The following CLIC5 variants were observed in gnomAD, a reference collection of about 807,000 sequenced individuals.
The protein encoded by CLIC5 is chloride intracellular channel protein 5.
CLIC5 carries 20 observed loss-of-function variants against 24.7 expected under a neutral mutation model. The observed-to-expected ratio is 0.81, with a 90% CI of 0.57 to 1.18. The LOEUF (loss-of-function observed/expected upper bound fraction) is 1.18. Among genes scored for constraint, CLIC5 ranks in the 50% most tolerant of loss-of-function variants. The pLI is 0.00. For synonymous variants in CLIC5, 159 were observed against 135.6 expected, an observed-to-expected ratio of 1.17 and a Z score of -1.20; for missense variants, 341 against 326.1, an observed-to-expected ratio of 1.05 and a Z score of -0.35.
chr6:46,022,769 C>A (rs1235668988), intron 1 of CLIC5, among the ~76,000 whole-genome samples: 1 of 152,324 alleles, frequency 6.6e-6, no homozygotes, highest in Non-Finnish European at 1.5e-5. Context: ...TTACTCATTC[C>A]TTCAACCAGT....
At chr6:46,053,848 A>G (rs1768173049) in intron 1 of CLIC5, among the ~76,000 whole-genome samples, 1 of 152,162 alleles carries the variant, frequency 6.6e-6, no homozygotes, top group Non-Finnish European at 1.5e-5. Context: ...TGCCCTGAAG[A>G]GCCCTGTAAT....
At chr6:45,888,930 A>G (rs1700457809) in intron 6 of CLIC5, among the ~76,000 whole-genome samples, 1 of 152,198 alleles carries the variant, frequency 6.6e-6, no homozygotes, top group Non-Finnish European at 1.5e-5. Context: ...TATTCATTGC[A>G]GCATTTTTTG....
At chr6:46,060,137 G>T (rs539814631) in intron 1 of CLIC5, among the ~76,000 whole-genome samples, 1 of 152,232 alleles carries the variant, frequency 6.6e-6, no homozygotes, top group Non-Finnish European at 1.5e-5. Context: ...AGTTTCTGTG[G>T]TATAATTTAG....
chr6:46,043,294 T>C (rs934598755), intron 1 of CLIC5, among the ~76,000 whole-genome samples: 2 of 152,222 alleles, frequency 1.3e-5, no homozygotes, highest in African/African-American at 4.8e-5. Context: ...ATGTATTGTA[T>C]TTTCTTATTT....
At chr6:45,894,490 A>G (rs1177826751), downstream of CLIC5, among the ~76,000 whole-genome samples, 1 of 152,256 alleles carries the variant, frequency 6.6e-6, no homozygotes, top group Non-Finnish European at 1.5e-5. Flanking sequence ...GAATAAAGTT[A>G]TAGATGAAAA....
chr6:45,980,448 T>A (rs1416875195), intron 1 of CLIC5, among the ~76,000 whole-genome samples: 1 of 152,070 alleles, frequency 6.6e-6, no homozygotes, highest in Non-Finnish European at 1.5e-5. Flanking sequence ...ATTGGAAAAC[T>A]ACCTATTGTG....
intron 6 of CLIC5, among the ~76,000 whole-genome samples, chr6:45,886,341 G>A (rs576653059): frequency 2.3e-4 from 35 of 152,278 alleles, no homozygotes; most frequent in African/African-American, 7.9e-4. Flanking sequence ...ATCCTCCACC[G>A]TCGGGTGTGC....
At chr6:45,941,963 G>A (rs554311460) in intron 3 of CLIC5, among the ~76,000 whole-genome samples, 1 of 152,272 alleles carries the variant, frequency 6.6e-6, no homozygotes, top group South Asian at 2.1e-4. Flanking sequence ...GGATGTGCCA[G>A]TGGGATGGCG....
intron 1 of CLIC5, among the ~76,000 whole-genome samples, chr6:46,052,377 A>G (rs1768128343): frequency 1.3e-5 from 2 of 152,242 alleles, no homozygotes; most frequent in Non-Finnish European, 2.9e-5. Flanking sequence ...AAATAAGAGT[A>G]GAGAAGTAGG....
At chr6:46,093,105 A>C in the CLIC5 span, among the ~76,000 whole-genome samples, 4 of 152,236 alleles carry the variant, frequency 2.6e-5, no homozygotes, top group Admixed American at 2.6e-4. Flanking sequence ...CATGACCCAC[A>C]TAAGAGATGC....
the CLIC5 span, among the ~76,000 whole-genome samples, chr6:46,120,177 C>A: frequency 6.6e-6 from 1 of 152,318 alleles, no homozygotes; most frequent in African/African-American, 2.4e-5. Context: ...CAGGGAGGCA[C>A]CCACCAGTAG....
At chr6:45,882,131 G>A (rs530318680) in intron 6 of CLIC5, among the ~76,000 whole-genome samples, 39 of 152,322 alleles carry the variant, frequency 2.6e-4, no homozygotes, top group African/African-American at 8.7e-4. Context: ...TTTCTTTGAA[G>A]TTCCTGGAGA....
At chr6:45,952,727 G>T (rs1764512925) in intron 2 of CLIC5, among the ~76,000 whole-genome samples, 1 of 152,142 alleles carries the variant, frequency 6.6e-6, no homozygotes, top group Admixed American at 6.5e-5. Flanking sequence ...GCTGGACCAG[G>T]TGTGATCATG....
intron 1 of CLIC5, among the ~76,000 whole-genome samples, chr6:46,048,177 A>G (rs1768008329): frequency 6.6e-6 from 1 of 151,820 alleles, no homozygotes; most frequent in Non-Finnish European, 1.5e-5. Flanking sequence ...TAATTTTTGT[A>G]TTTTTACTAG....
intron 1 of CLIC5, among the ~76,000 whole-genome samples, chr6:46,028,127 A>T (rs1767393176): frequency 6.6e-6 from 1 of 152,212 alleles, no homozygotes; most frequent in Non-Finnish European, 1.5e-5. Flanking sequence ...GGAAAGAGTC[A>T]AACTGCTGAC....
the CLIC5 span, chr6:46,097,050 G>A: frequency 6.6e-6 from 1 of 152,152 alleles, no homozygotes; most frequent in Non-Finnish European, 1.5e-5. Flanking sequence ...GTACACTTAA[G>A]AATTACACAT....
intron 1 of CLIC5, among the ~76,000 whole-genome samples, chr6:45,964,264 T>C (rs1165590634): frequency 6.6e-6 from 1 of 152,204 alleles, no homozygotes; most frequent in Non-Finnish European, 1.5e-5. Context: ...TATAGACTCA[T>C]GCAAACCTGG....
At chr6:46,054,012 C>A (rs1456419714) in intron 1 of CLIC5, among the ~76,000 whole-genome samples, 1 of 152,050 alleles carries the variant, frequency 6.6e-6, no homozygotes, top group Non-Finnish European at 1.5e-5. Flanking sequence ...TATTCAAAAC[C>A]TTTGACTGAG....
In CLIC5 at chr6:46,015,616, G is replaced by C; in HGVS notation, c.-74C>G. ...TGCAGCACCTGGGCCAGCACTCTGC[G>C]CTCCTGCCGCTGCCCAGCGGGGCTC... On this transcript the variant is annotated 5_prime_UTR_variant, in exon 1 of 6. Transcript: ENST00000339561. 5 of 1,424,298 alleles carry C rather than the reference G, an allele frequency of 3.5e-6. No individual in the cohort carries two copies. The highest frequency in any genetic ancestry group is 4.6e-6 in the Non-Finnish European group (5 of 1,080,540). The allele number at this position is 1,424,298 out of a possible 1,614,324, so 88.2% of individuals were successfully genotyped here. A position where few individuals can be genotyped will look rare whatever the true frequency, so the allele number is the denominator to read the frequency against.
Sources: allele counts gnomAD v4.1 joint callset (sites outside exome capture counted in the v4.1 genomes callset), GRCh38; gene constraint gnomAD v4.1.1; transcripts MANE v1.5; gene names NCBI Gene and HGNC (gene_info 2026-07-23, HGNC 2026-07-21).